The following CPED1 variants were observed in gnomAD, a reference collection of about 807,000 sequenced individuals.
CPED1 encodes the protein cadherin-like and PC-esterase domain-containing protein 1.
In CPED1, 114 loss-of-function variants were observed where a neutral mutation model predicts 128.2. The observed-to-expected ratio is 0.89, with a 90% CI of 0.76 to 1.04. The LOEUF (loss-of-function observed/expected upper bound fraction) is 1.04. CPED1 is among the 50% of genes least tolerant of loss of function. The pLI is 0.00. For synonymous variants in CPED1, 462 were observed against 426.7 expected (o/e 1.08, Z -1.02); for missense variants, 1,211 against 1,207.1 (o/e 1.00, Z -0.05).
At position 121,127,272 on chromosome 7, in the gene CPED1, G is replaced by A. The variant is rs370853863; in HGVS notation, c.1302+15G>A. ...ATGTTTTCAAGGTAAGTGCATATTT[G>A]TGTACTGATAAATATTTTTTCAAGT... On this transcript the variant is annotated intron_variant, in intron 10 of 22. Coordinates refer to ENST00000310396, the MANE Select transcript of CPED1 (RefSeq NM_024913.5). The A allele has an allele frequency of 2.7e-6, 4 of 1,466,756 alleles. No homozygotes were observed. In the African/African-American group the frequency reaches 4.3e-5, roughly 16 times the overall value. The allele number at this position is 1,466,756 out of a possible 1,614,324, so 90.9% of individuals were successfully genotyped here.
At chr7:121,191,574 A>T (rs1797142675) in intron 16 of CPED1, among the ~76,000 whole-genome samples, 1 of 152,094 alleles carries the variant, frequency 6.6e-6, no homozygotes, top group Admixed American at 6.6e-5. Flanking sequence ...GGGTGGTGGA[A>T]TGCCTGTGGC....
Position 121,295,440 on chromosome 7 carries a change from G to T in CPED1, c.2869G>T (p.Val957Leu), listed in dbSNP as rs1213866548. 6.2e-7 allele frequency: 1 copy of T among 1,608,892 alleles called. No individual in the cohort carries two copies. ...CAGTTTTCTTGCTCTTCATTTACAG[G>T]TAGTGAAATCAAAGTTATCCAAAGA... ...QGKCGCHFHE[V>L]VKSKLSKEYN... Residue 957 changes from valine to leucine, a missense_variant and splice_region_variant, in exon 23 of 23, where the codon GTA becomes TTA. Val to Leu is a conservative substitution (Grantham distance 32). Coordinates refer to ENST00000310396, the MANE Select transcript of CPED1 (RefSeq NM_024913.5).
chr7:121,209,461 ATTTG>A (rs1047729180), intron 16 of CPED1, among the ~76,000 whole-genome samples: 38 of 152,046 alleles, frequency 2.5e-4, no homozygotes, highest in African/African-American at 8.0e-4. Flanking sequence ...AACTATAAAA[ATTTG>A]TTTGTGGAAC....
intron 16 of CPED1, among the ~76,000 whole-genome samples, chr7:121,181,466 G>T (rs1796895456): frequency 6.6e-6 from 1 of 151,770 alleles, no homozygotes; most frequent in South Asian, 2.1e-4. Context: ...AAAGATATTT[G>T]TTTGAAATAC....
At position 121,125,801 on chromosome 7, in the gene CPED1, C is replaced by A. The variant is rs1584530382; in HGVS notation, c.1062-19C>A. ...TGCATGTATCTTTACTTTTATGGTA[C>A]CTTGTGTTTTCATTTTAGATGCAGA... On this transcript the variant is annotated intron_variant, in intron 8 of 22. Transcript: ENST00000310396. 6.3e-7 allele frequency: 1 copy of A among 1,583,658 alleles called. No individual in the cohort carries two copies. The highest frequency in any genetic ancestry group is 1.3e-5 in the African/African-American group (1 of 74,386).
At chr7:121,265,474 G>C (rs1443194596) in intron 18 of CPED1, among the ~76,000 whole-genome samples, 2 of 152,112 alleles carry the variant, frequency 1.3e-5, no homozygotes, top group Admixed American at 6.6e-5. Flanking sequence ...GTAGGATTAT[G>C]TAAGAAACAA....
At chr7:121,086,978 C>A (rs915958097) in intron 5 of CPED1, among the ~76,000 whole-genome samples, 7 of 152,212 alleles carry the variant, frequency 4.6e-5, no homozygotes, top group Non-Finnish European at 1.0e-4. Context: ...CTAACCCCAG[C>A]CATGAGGGCT....
In CPED1 at chr7:121,117,077, TTATATATA is replaced by T. The variant is rs34007948; in HGVS notation, c.919-7239_919-7232del. On this transcript the variant is annotated intron_variant, in intron 7 of 22. Coordinates refer to ENST00000310396, the MANE Select transcript of CPED1 (RefSeq NM_024913.5). ...CACACATTTTATATATATATACACA[TTATATATA>T]TATATATATATATAAATATATATAT... Among the ~76,000 whole-genome samples, 3 of 128,776 alleles carry T rather than the reference TTATATATA, an allele frequency of 2.3e-5. 1 individual carries two copies. The highest frequency in any genetic ancestry group is 9.1e-5 in the African/African-American group (3 of 33,138). The allele number at this position is 128,776 out of a possible 152,430, so 84.5% of individuals were successfully genotyped here.
chr7:121,216,757 G>A (rs1357758), intron 16 of CPED1, among the ~76,000 whole-genome samples: 150,054 of 152,110 alleles, frequency 0.99, 74,048 homozygotes, highest in Middle Eastern at 1. Flanking sequence ...TTCATACTCT[G>A]TATGGAGAAT....
intron 5 of CPED1, among the ~76,000 whole-genome samples, chr7:121,095,438 A>G (rs1418444967): frequency 6.6e-6 from 1 of 152,134 alleles, no homozygotes. Flanking sequence ...GGCTATAATC[A>G]AGTTAAATGA....
intron 7 of CPED1, among the ~76,000 whole-genome samples, chr7:121,123,385 G>C (rs76671688): frequency 1.3e-5 from 2 of 152,088 alleles, no homozygotes; most frequent in African/African-American, 4.8e-5. Flanking sequence ...TTGCAATCCT[G>C]TGTAGTCTGG....
rs113624419 is a variant in CPED1, at chr7:121,035,293, A to G, written c.434-11594A>G. Among the ~76,000 whole-genome samples the G allele has an allele frequency of 5.4e-3, 828 of 152,362 alleles. 13 individuals carry two copies. The highest frequency in any genetic ancestry group is 0.019 in the African/African-American group (795 of 41,578). ...AGAGAATAACTCTGACTATAGGAAG[A>G]AAAATAGATTCTAGAAGGAAAAATA... is the stretch of plus-strand genomic sequence containing the variant. On this transcript the variant is annotated intron_variant, in intron 3 of 22. Transcript: ENST00000310396.
chr7:121,145,615 C>T (rs1193065416), intron 16 of CPED1, among the ~76,000 whole-genome samples: 1 of 152,072 alleles, frequency 6.6e-6, no homozygotes, highest in Non-Finnish European at 1.5e-5. Flanking sequence ...GGGAAGTCAA[C>T]AGCAGGGGTA....
intron 5 of CPED1, chr7:121,083,630 G>A (rs1233894938): frequency 1.3e-5 from 2 of 152,214 alleles, no homozygotes; most frequent in Non-Finnish European, 2.9e-5. Context: ...TAGCAGGGAG[G>A]TACAGATGGA....
intron 5 of CPED1, among the ~76,000 whole-genome samples, chr7:121,070,820 A>G (rs986632500): frequency 1.3e-5 from 2 of 152,014 alleles, no homozygotes; most frequent in African/African-American, 2.4e-5. Flanking sequence ...CGTTATCCAG[A>G]CTCTAGCCAG....
intron 4 of CPED1, among the ~76,000 whole-genome samples, chr7:121,047,373 T>C (rs1793226415): frequency 1.3e-5 from 2 of 152,206 alleles, no homozygotes; most frequent in South Asian, 2.1e-4. Flanking sequence ...ATAAAATTTA[T>C]AAAATTTCTA....
intron 16 of CPED1, among the ~76,000 whole-genome samples, chr7:121,176,987 A>G (rs1796797856): frequency 6.6e-6 from 1 of 152,094 alleles, no homozygotes; most frequent in African/African-American, 2.4e-5. Flanking sequence ...GTAGCTACTT[A>G]ATTTGACTGC....
intron 16 of CPED1, among the ~76,000 whole-genome samples, chr7:121,161,315 G>A (rs542165716): frequency 2.0e-3 from 301 of 152,246 alleles, no homozygotes; most frequent in African/African-American, 6.8e-3. Context: ...GGAGGGTTAA[G>A]GTCCTTGTTT....
intron 5 of CPED1, among the ~76,000 whole-genome samples, chr7:121,079,228 C>T (rs1347183546): frequency 6.6e-6 from 1 of 152,108 alleles, no homozygotes; most frequent in East Asian, 1.9e-4. Flanking sequence ...AGACAGAAGG[C>T]TGCGAGTAGC....
Sources: gnomAD v4.1 joint callset for allele counts (sites outside exome capture counted in the v4.1 genomes callset) on GRCh38, gnomAD v4.1.1 for gene constraint, MANE v1.5 for transcripts, NCBI Gene and HGNC (gene_info 2026-07-23, HGNC 2026-07-21) for gene names.